CNOT2: variants seen among roughly 807,000 people sequenced by gnomAD.
CNOT2 encodes the protein CCR4-NOT transcription complex subunit 2, also known as CC chemokine receptor 4-negative regulator of transcription 2.
In CNOT2, 7 loss-of-function variants were observed where a neutral mutation model predicts 72.1. The ratio of observed to expected loss-of-function variants is 0.10; its 90% CI spans 0.06 to 0.18. CNOT2 has a LOEUF of 0.18. Ranked by LOEUF, CNOT2 falls within the 10% of genes least tolerant of loss-of-function variation. CNOT2 has a pLI of 1.00. For synonymous variants in CNOT2, 196 were observed against 225.6 expected (o/e 0.87, Z 1.17); for missense variants, 345 against 660.3 (o/e 0.52, Z 5.23).
In CNOT2 at chr12:70,353,975, A is replaced by G; in HGVS notation, c.*60A>G. The G allele has an allele frequency of 6.4e-7, 1 of 1,554,852 alleles. No individual in the cohort carries two copies. The highest frequency in any genetic ancestry group is 8.6e-7 in the Non-Finnish European group (1 of 1,158,346). Reference sequence around the variant, plus strand: ...TCTTGGGGTATGGCTGTCTCAGCACAATACTCAACATAACTGCAGAACTGA... The same window carrying G: ...TCTTGGGGTATGGCTGTCTCAGCACGATACTCAACATAACTGCAGAACTGA... On this transcript the variant is annotated 3_prime_UTR_variant, in exon 16 of 16. Transcript: ENST00000229195.
intron 4 of CNOT2, among the ~76,000 whole-genome samples, chr12:70,326,752 A>G (rs567873082): frequency 1.5e-3 from 233 of 152,020 alleles, no homozygotes; most frequent in African/African-American, 5.5e-3. Context: ...TGATGATCCA[A>G]TTTGAAGTGA....
intron 2 of CNOT2, among the ~76,000 whole-genome samples, chr12:70,293,486 T>C (rs1872294043): frequency 6.6e-6 from 1 of 152,234 alleles, no homozygotes; most frequent in African/African-American, 2.4e-5. Flanking sequence ...TTAAATCCTA[T>C]ATTCAGATTG....
chr12:70,312,094 A>C (rs1284510744), intron 3 of CNOT2, among the ~76,000 whole-genome samples: 1 of 151,872 alleles, frequency 6.6e-6, no homozygotes, highest in African/African-American at 2.4e-5. Flanking sequence ...GGCTTTTTTC[A>C]ACTAATGTGT....
At chr12:70,296,967 G>A (rs536665399) in intron 2 of CNOT2, among the ~76,000 whole-genome samples, 1 of 152,236 alleles carries the variant, frequency 6.6e-6, no homozygotes, top group Non-Finnish European at 1.5e-5. Context: ...CAGTCTGTGA[G>A]ATTTTTACCT....
chr12:70,271,461 C>T (rs2135779775), intron 1 of CNOT2, among the ~76,000 whole-genome samples: 1 of 149,936 alleles, frequency 6.7e-6, no homozygotes, highest in Non-Finnish European at 1.5e-5. Context: ...GCAACCTCTA[C>T]CTCCCAGGTT....
At chr12:70,260,084 T>C (rs2135732822) in intron 1 of CNOT2, among the ~76,000 whole-genome samples, 1 of 152,252 alleles carries the variant, frequency 6.6e-6, no homozygotes, top group Admixed American at 6.5e-5. Context: ...AACAGGAATT[T>C]TTGAGAATCC....
At chr12:70,313,449 A>G (rs1221077029) in intron 3 of CNOT2, among the ~76,000 whole-genome samples, 3 of 152,048 alleles carry the variant, frequency 2.0e-5, no homozygotes, top group African/African-American at 4.8e-5. Flanking sequence ...ACATTTCCCA[A>G]TTACTTTCTT....
At chr12:70,291,885 C>T (rs992306633) in intron 2 of CNOT2, among the ~76,000 whole-genome samples, 4 of 152,070 alleles carry the variant, frequency 2.6e-5, no homozygotes, top group South Asian at 2.1e-4. Context: ...TGCAGTGAGC[C>T]GAGATCGTGC....
intron 1 of CNOT2, among the ~76,000 whole-genome samples, chr12:70,266,504 T>C (rs1468985208): frequency 6.6e-6 from 1 of 152,196 alleles, no homozygotes; most frequent in Non-Finnish European, 1.5e-5. Context: ...TTGCTGACTT[T>C]TGTTTACTTG....
At chr12:70,344,063 G>A in intron 13 of CNOT2, 65 bp from the exon 14 acceptor site, 1 of 1,044,342 alleles carries the variant, frequency 9.6e-7, no homozygotes, top group Non-Finnish European at 1.4e-6. Context: ...TTTAGTAGTA[G>A]CAACTATATA....
rs747789814 is a variant in CNOT2, at chr12:70,329,384, G to A, written c.239-39G>A. 5 of 1,544,676 alleles carry A rather than the reference G, an allele frequency of 3.2e-6. No homozygotes were observed. The Admixed American group carries it at 6.7e-5, about 21-fold the overall frequency. ...GAAGATGGATAACAATTTCATTCCTGATGGCAATGAATTTCCTTCTTCTGA... is the reference window on the plus strand; with the variant it reads ...GAAGATGGATAACAATTTCATTCCTAATGGCAATGAATTTCCTTCTTCTGA... On this transcript the variant is annotated intron_variant, in intron 4 of 15. Transcript: ENST00000229195.
At chr12:70,329,400 C>T (rs1593248195) in intron 4 of CNOT2, 23 bp from the exon 5 acceptor site, 1 of 1,594,064 alleles carries the variant, frequency 6.3e-7, no homozygotes, top group Non-Finnish European at 8.6e-7. Flanking sequence ...AATGAATTTC[C>T]TTCTTCTGAA....
chr12:70,296,759 C>G (rs902353985), intron 2 of CNOT2, among the ~76,000 whole-genome samples: 3 of 89,062 alleles, frequency 3.4e-5, no homozygotes, highest in Non-Finnish European at 6.9e-5. Context: ...TTATTTAAGC[C>G]CCCCCCCCTT....
At chr12:70,349,001 G>A (rs1882548415) in intron 15 of CNOT2, among the ~76,000 whole-genome samples, 1 of 151,860 alleles carries the variant, frequency 6.6e-6, no homozygotes, top group South Asian at 2.1e-4. Flanking sequence ...CTCTTTCAAG[G>A]TAATAGTTTG....
intron 1 of CNOT2, among the ~76,000 whole-genome samples, chr12:70,269,062 A>T (rs113194552): frequency 2.6e-4 from 39 of 152,152 alleles, no homozygotes; most frequent in Non-Finnish European, 3.1e-4. Flanking sequence ...TTTTTGGCAT[A>T]TATTTTCAGT....
intron 3 of CNOT2, among the ~76,000 whole-genome samples, chr12:70,313,967 A>G (rs1245544160): frequency 6.6e-6 from 1 of 152,170 alleles, no homozygotes; most frequent in East Asian, 1.9e-4. Context: ...TTGAATTGCC[A>G]TAGCTTTGTA....
chr12:70,317,611 A>ATTTT (rs529433652), intron 3 of CNOT2, among the ~76,000 whole-genome samples: 11 of 105,440 alleles, frequency 1.0e-4, no homozygotes, highest in African/African-American at 3.4e-4. Context: ...ATAAGGTTTG[A>ATTTT]TTTTTTTTTT....
intron 1 of CNOT2, among the ~76,000 whole-genome samples, chr12:70,271,739 A>T (rs1484367397): frequency 1.3e-5 from 2 of 152,144 alleles, no homozygotes; most frequent in African/African-American, 2.4e-5. Context: ...CACAGATAGA[A>T]GGGCTTTTAG....
At chr12:70,322,329 C>G (rs1878430945) in intron 4 of CNOT2, 2 of 151,768 alleles carry the variant, frequency 1.3e-5, no homozygotes, top group African/African-American at 4.8e-5. Flanking sequence ...CTTCAAGACC[C>G]ATGAGCTCCC....
Sources: allele counts gnomAD v4.1 joint callset (sites outside exome capture counted in the v4.1 genomes callset), GRCh38; gene constraint gnomAD v4.1.1; transcripts MANE v1.5; gene names NCBI Gene and HGNC (gene_info 2026-07-23, HGNC 2026-07-21).